The following HAPLN1 variants were observed in gnomAD, a reference collection of about 807,000 sequenced individuals.
HAPLN1 encodes Cartilage link protein.
A neutral mutation model predicts 36.5 loss-of-function variants in HAPLN1; 13 were observed. The ratio of observed to expected loss-of-function variants is 0.36; its 90% CI spans 0.23 to 0.57. The LOEUF is 0.57. HAPLN1 is among the 20% of genes least tolerant of loss of function. The probability of loss-of-function intolerance (pLI) is 0.83; values close to 1 mark genes in which losing one functional copy is unlikely to be tolerated. For missense variants in HAPLN1, 407 were observed against 439.7 expected (o/e 0.93, Z 0.66); for synonymous variants, 202 against 169.8 (o/e 1.19, Z -1.48).
chr5:83,697,333 T>C (rs1384677679), intron 1 of HAPLN1, among the ~76,000 whole-genome samples: 1 of 152,194 alleles, frequency 6.6e-6, no homozygotes, highest in African/African-American at 2.4e-5. Flanking sequence ...CTTAGCGTAA[T>C]GTTTTCAATG....
chr5:83,708,433 C>A (rs1751701475), intron 1 of HAPLN1, among the ~76,000 whole-genome samples: 1 of 152,058 alleles, frequency 6.6e-6, no homozygotes, highest in African/African-American at 2.4e-5. Flanking sequence ...GAGGTGGAGG[C>A]CATTATCCTT....
At chr5:83,713,535 A>G (rs993173397) in intron 1 of HAPLN1, among the ~76,000 whole-genome samples, 3 of 152,160 alleles carry the variant, frequency 2.0e-5, no homozygotes, top group African/African-American at 7.2e-5. Flanking sequence ...TCTCTTCCAG[A>G]TGATTTTCAA....
intron 2 of HAPLN1, among the ~76,000 whole-genome samples, chr5:83,665,657 A>G (rs1750531374): frequency 6.6e-6 from 1 of 152,158 alleles, no homozygotes; most frequent in Non-Finnish European, 1.5e-5. Context: ...TACTTCATTC[A>G]TTTTATACAT....
At chr5:83,718,952 A>T (rs1402048979) in intron 1 of HAPLN1, among the ~76,000 whole-genome samples, 1 of 152,246 alleles carries the variant, frequency 6.6e-6, no homozygotes, top group Admixed American at 6.5e-5. Context: ...CTGTTCAGAA[A>T]ATACCAATAT....
intron 2 of HAPLN1, among the ~76,000 whole-genome samples, chr5:83,670,572 G>T (rs1399281252): frequency 1.3e-5 from 2 of 152,130 alleles, no homozygotes; most frequent in Non-Finnish European, 2.9e-5. Flanking sequence ...TTTTCCATGG[G>T]AAGCTGGGAG....
At chr5:83,652,420 T>C (rs1407269643) in intron 3 of HAPLN1, 33 bp downstream of exon 3, 1 of 1,579,684 alleles carries the variant, frequency 6.3e-7, no homozygotes, top group African/African-American at 1.4e-5. Context: ...TTAATGACCA[T>C]TTATACGTTG....
chr5:83,690,483 G>C (rs369259286), intron 1 of HAPLN1, among the ~76,000 whole-genome samples: 1 of 151,998 alleles, frequency 6.6e-6, no homozygotes, highest in Non-Finnish European at 1.5e-5. Flanking sequence ...AAGGTTTTAT[G>C]AACAATTCTT....
Position 83,652,566 on chromosome 5 carries a change from C to G in HAPLN1, c.359G>C (p.Ser120Thr). ...GTCTGTGATGACCAGAGAAGCATCA[C>G]TATCACTGCCTCCCTTCAGAAACAC... ...GRVFLKGGSD[S>T]DASLVITDLT... The change falls in exon 3 of 5, where the codon AGT (serine) becomes ACT (threonine). Residue 120 changes from serine (S) to threonine (T), a missense_variant. Physicochemically the swap from Ser to Thr is moderately conservative, Grantham distance 58. Transcript: ENST00000274341. 1 of 1,614,212 alleles carries G rather than the reference C, an allele frequency of 6.2e-7. No individual in the cohort carries two copies. Among genetic ancestry groups the G allele is most frequent in the Non-Finnish European group, 8.5e-7 (1 of 1,180,028 alleles).
intron 1 of HAPLN1, among the ~76,000 whole-genome samples, chr5:83,702,689 G>A (rs1264804673): frequency 6.6e-6 from 1 of 152,064 alleles, no homozygotes; most frequent in African/African-American, 2.4e-5. Context: ...TCTGTCTAGT[G>A]TCTTTTGTTT....
chr5:83,689,709 T>C (rs1428847943), intron 1 of HAPLN1, among the ~76,000 whole-genome samples: 2 of 152,136 alleles, frequency 1.3e-5, no homozygotes, highest in African/African-American at 4.8e-5. Flanking sequence ...ATTTACTACA[T>C]ACCCCCAGTT....
chr5:83,675,528 A>T (rs336962), intron 1 of HAPLN1, among the ~76,000 whole-genome samples: 89,640 of 151,542 alleles, frequency 0.59, 26,692 homozygotes, highest in South Asian at 0.64. Flanking sequence ...TGTTTATCCT[A>T]CCACTGCAAC....
In HAPLN1 at chr5:83,652,393, G is replaced by GAA; in HGVS notation, c.472+58_472+59dup. On this transcript the variant is annotated intron_variant, in intron 3 of 4. Coordinates refer to ENST00000274341, the MANE Select transcript of HAPLN1 (RefSeq NM_001884.4). ...TTAACCACTAGACATTACTCTTCATGAAAAAAAAAGCAACTATTAATGACC... is the reference window on the plus strand; with the variant it reads ...TTAACCACTAGACATTACTCTTCATGAAAAAAAAAAAGCAACTATTAATGACC... 4 of 1,482,960 alleles carry GAA rather than the reference G, an allele frequency of 2.7e-6. No individual in the cohort carries two copies. In the African/African-American group the frequency reaches 4.3e-5, roughly 16 times the overall value. 91.9% of individuals were successfully genotyped at this position (1,482,960 alleles called of 1,614,324 possible). A position where few individuals can be genotyped will look rare whatever the true frequency, so the allele number is the denominator to read the frequency against.
intron 1 of HAPLN1, chr5:83,685,737 A>C (rs1751104117): frequency 6.6e-6 from 1 of 152,170 alleles, no homozygotes; most frequent in Admixed American, 6.5e-5. Context: ...TGTATATGAG[A>C]GTGAACTAGA....
chr5:83,702,656 T>G (rs1751538037), intron 1 of HAPLN1, among the ~76,000 whole-genome samples: 1 of 152,222 alleles, frequency 6.6e-6, no homozygotes. Flanking sequence ...ATTTTCCAAC[T>G]AGCTGATTTT....
At chr5:83,696,570 A>G (rs1751392252) in intron 1 of HAPLN1, among the ~76,000 whole-genome samples, 1 of 152,160 alleles carries the variant, frequency 6.6e-6, no homozygotes, top group Admixed American at 6.5e-5. Context: ...GCAATGTGGT[A>G]TACAAAAAGA....
chr5:83,655,584 A>C (rs1750186625), intron 2 of HAPLN1, among the ~76,000 whole-genome samples: 1 of 151,946 alleles, frequency 6.6e-6, no homozygotes, highest in Non-Finnish European at 1.5e-5. Flanking sequence ...CTGAAATTCA[A>C]AGAACCCTAG....
rs202017324 is a variant in HAPLN1, at chr5:83,644,517, G to A, written c.621C>T (p.Ala207=). The change falls in exon 4 of 5, where the codon GCC becomes GCT. Residue 207 remains alanine (A), a synonymous_variant. Coordinates refer to ENST00000274341, the MANE Select transcript of HAPLN1 (RefSeq NM_001884.4). ...AWRGGLDWCN[A]GWLSDGSVQY... The stretch of plus-strand genomic sequence containing the variant: ...GCACAGAGCCATCACTGAGCCAGCC[G>A]GCATTGCACCAGTCCAGCCCGCCCC... The A allele has an allele frequency of 1.7e-5, 28 of 1,611,910 alleles. No homozygotes were observed. Among genetic ancestry groups the A allele is most frequent in the South Asian group, 1.3e-4 (12 of 90,612 alleles).
At chr5:83,666,094 T>C (rs1750542787) in intron 2 of HAPLN1, among the ~76,000 whole-genome samples, 1 of 152,238 alleles carries the variant, frequency 6.6e-6, no homozygotes, top group Non-Finnish European at 1.5e-5. Context: ...TCTCCCTAGA[T>C]ACTATTAGTT....
intron 2 of HAPLN1, among the ~76,000 whole-genome samples, chr5:83,668,644 T>G (rs779417296): frequency 5.3e-5 from 8 of 152,248 alleles, no homozygotes; most frequent in Non-Finnish European, 1.0e-4. Flanking sequence ...AAATGCTCAT[T>G]ATGGTAGTGA....
Sources: gnomAD v4.1 joint callset for allele counts (sites outside exome capture counted in the v4.1 genomes callset) on GRCh38, gnomAD v4.1.1 for gene constraint, MANE v1.5 for transcripts, NCBI Gene and HGNC (gene_info 2026-07-23, HGNC 2026-07-21) for gene names.